The following MPZL1 variants were observed in gnomAD, a reference collection of about 807,000 sequenced individuals.
The protein encoded by MPZL1 is myelin protein zero-like protein 1.
MPZL1 carries 16 observed loss-of-function variants against 29.3 expected under a neutral mutation model. That is an observed-to-expected ratio of 0.55 (90% CI 0.37 to 0.83). MPZL1 has a LOEUF of 0.83. MPZL1 is among the 40% of genes least tolerant of loss of function. The probability of loss-of-function intolerance (pLI) is 0.00; values close to 1 mark genes in which losing one functional copy is unlikely to be tolerated. For synonymous variants in MPZL1, 143 were observed against 132.0 expected (o/e 1.08, Z -0.57); for missense variants, 279 against 332.9 (o/e 0.84, Z 1.26).
chr1:167,722,205 C>T lies in MPZL1; in HGVS notation c.54C>T (p.Arg18=). 2 of 1,239,168 alleles carry T rather than the reference C, an allele frequency of 1.6e-6. No individual in the cohort carries two copies. Among genetic ancestry groups the T allele is most frequent in the Non-Finnish European group, 2.0e-6 (2 of 987,916 alleles). 76.8% of individuals were successfully genotyped at this position (1,239,168 alleles called of 1,614,324 possible). A position where few individuals can be genotyped will look rare whatever the true frequency, so the allele number is the denominator to read the frequency against. ...TGATTGCAGCCCCAGACAGCCGGCG[C>T]TGGCTGTGGTCGGTGCTGGCGGCGG... ...GAVIAAPDSR[R]WLWSVLAAAL... Residue 18 remains arginine (R), a synonymous_variant, in exon 1 of 6, where the codon CGC becomes CGT. Transcript: ENST00000359523.
At position 167,788,062 on chromosome 1, in the gene MPZL1, G is replaced by T. The variant is rs1661625964; in HGVS notation, c.*141G>T. 7.9e-6 allele frequency: 5 copies of T among 633,146 alleles called. No homozygotes were observed. In the South Asian group the frequency reaches 9.9e-5, roughly 12 times the overall value. 39.2% of individuals were successfully genotyped at this position (633,146 alleles called of 1,614,324 possible). ...TGTACTCACAGAGGGAGAGAAAGATGTGTACAAAGGATATGTATAAATATT... is the reference window on the plus strand; with the variant it reads ...TGTACTCACAGAGGGAGAGAAAGATTTGTACAAAGGATATGTATAAATATT... On this transcript the variant is annotated 3_prime_UTR_variant, in exon 6 of 6. Transcript: ENST00000359523.
In MPZL1 at chr1:167,751,468, G is replaced by C. The variant is rs570055417; in HGVS notation, c.92-14115G>C. On this transcript the variant is annotated intron_variant, in intron 1 of 5. Transcript: ENST00000359523. ...GCGGATCACTTGAGGTCAGGAGTTC[G>C]AGACCATCCTGGCCAACATGGTGAA... 9.1e-3 allele frequency among the ~76,000 whole-genome samples: 1,392 copies of C among 152,138 alleles called. 8 individuals are homozygous for C. Among genetic ancestry groups the C allele is most frequent in the Non-Finnish European group, 0.012 (834 of 68,000 alleles).
At chr1:167,773,183 T>TG (rs1661287546) in intron 3 of MPZL1, 53 bp from the exon 4 acceptor site, 2 of 1,541,608 alleles carry the variant, frequency 1.3e-6, no homozygotes, top group East Asian at 4.5e-5. Context: ...TAAAATTCCA[T>TG]GTTTTCTCTC....
chr1:167,755,108 A>T (rs903839774), intron 1 of MPZL1, among the ~76,000 whole-genome samples: 5 of 152,224 alleles, frequency 3.3e-5, no homozygotes, highest in Non-Finnish European at 7.3e-5. Flanking sequence ...ACAATGACAT[A>T]TATCTATTAT....
chr1:167,762,590 G>T (rs1661012052), intron 1 of MPZL1, among the ~76,000 whole-genome samples: 2 of 152,200 alleles, frequency 1.3e-5, no homozygotes, highest in Admixed American at 6.5e-5. Context: ...CTCGGTGCTT[G>T]GCCCAAGGTG....
At chr1:167,780,645 A>G (rs1007667630) in intron 5 of MPZL1, among the ~76,000 whole-genome samples, 4 of 152,196 alleles carry the variant, frequency 2.6e-5, no homozygotes, top group African/African-American at 9.6e-5. Flanking sequence ...CCAGCCACAG[A>G]AAGACATACT....
At chr1:167,776,883 C>T (rs1404859132) in intron 5 of MPZL1, among the ~76,000 whole-genome samples, 2 of 152,120 alleles carry the variant, frequency 1.3e-5, no homozygotes, top group African/African-American at 4.8e-5. Context: ...AAGGTGTTAG[C>T]TGGTGGGAAT....
intron 3 of MPZL1, 109 bp from the exon 4 acceptor site, chr1:167,773,127 G>A: frequency 8.9e-7 from 1 of 1,129,074 alleles, no homozygotes; most frequent in Non-Finnish European, 1.3e-6. Context: ...GATAATAAAA[G>A]AGGGTACGGT....
At chr1:167,741,845 C>T (rs1482720960) in intron 1 of MPZL1, among the ~76,000 whole-genome samples, 10 of 151,976 alleles carry the variant, frequency 6.6e-5, no homozygotes, top group African/African-American at 9.7e-5. Context: ...CCGGCCTGGG[C>T]AACATGGTGA....
intron 1 of MPZL1, among the ~76,000 whole-genome samples, chr1:167,757,660 A>G (rs1571153879): frequency 6.6e-6 from 1 of 152,202 alleles, no homozygotes; most frequent in African/African-American, 2.4e-5. Context: ...GCTTATTAGG[A>G]GATATTACAG....
At chr1:167,752,506 C>T (rs1332722540) in intron 1 of MPZL1, among the ~76,000 whole-genome samples, 1 of 152,212 alleles carries the variant, frequency 6.6e-6, no homozygotes, top group East Asian at 1.9e-4. Context: ...TAATGAGACT[C>T]ATCCCACTCA....
chr1:167,764,186 T>G (rs1408598675), intron 1 of MPZL1, among the ~76,000 whole-genome samples: 2 of 150,440 alleles, frequency 1.3e-5, no homozygotes, highest in African/African-American at 4.9e-5. Flanking sequence ...GCCAAATAAG[T>G]TTTTTTTTTC....
rs748059813 is a variant in MPZL1, at chr1:167,772,378, A to T, written c.362A>T (p.Asn121Ile). 1 of 1,613,994 alleles carries T rather than the reference A, an allele frequency of 6.2e-7. No homozygotes were observed. The highest frequency in any genetic ancestry group is 2.2e-5 in the East Asian group (1 of 44,878). ...CTTGACAAGAAAGATGCATCAATCA[A>T]CATAGAAAATATGCAGTTTATACAC... ...GDLDKKDASINIENMQFIHNG... is the reference protein window; with the variant it reads ...GDLDKKDASIIIENMQFIHNG... The change falls in exon 3 of 6, where the codon AAC becomes ATC. Residue 121 changes from asparagine (N) to isoleucine (I), a missense_variant. By Grantham distance (149) the Asn-to-Ile change is moderately radical (BLOSUM62 -3). Coordinates refer to ENST00000359523, the MANE Select transcript of MPZL1 (RefSeq NM_003953.6).
intron 1 of MPZL1, among the ~76,000 whole-genome samples, chr1:167,756,659 G>A (rs966366855): frequency 1.3e-5 from 2 of 152,064 alleles, no homozygotes; most frequent in Non-Finnish European, 2.9e-5. Flanking sequence ...TTATGGCTGA[G>A]CTTATCTGAA....
At chr1:167,784,250 GAA>G (rs1393755897) in intron 5 of MPZL1, among the ~76,000 whole-genome samples, 1 of 152,090 alleles carries the variant, frequency 6.6e-6, no homozygotes, top group East Asian at 1.9e-4. Flanking sequence ...TGTGTTTCTT[GAA>G]ACATTTTCAA....
intron 1 of MPZL1, among the ~76,000 whole-genome samples, chr1:167,726,539 G>T (rs950988885): frequency 6.6e-6 from 1 of 152,154 alleles, no homozygotes; most frequent in Non-Finnish European, 1.5e-5. Flanking sequence ...GCAATATGTA[G>T]TTATGATTTA....
chr1:167,758,086 G>A (rs1660906791), intron 1 of MPZL1, among the ~76,000 whole-genome samples: 1 of 151,934 alleles, frequency 6.6e-6, no homozygotes, highest in East Asian at 1.9e-4. Flanking sequence ...CCCAGAAGGT[G>A]GAGGTTGCAG....
At chr1:167,774,283 T>C (rs1320423805) in intron 4 of MPZL1, among the ~76,000 whole-genome samples, 1 of 152,156 alleles carries the variant, frequency 6.6e-6, no homozygotes, top group African/African-American at 2.4e-5. Flanking sequence ...TGGATTCAAG[T>C]TGATATAGCA....
chr1:167,758,677 G>A (rs1660920596), intron 1 of MPZL1, among the ~76,000 whole-genome samples: 1 of 152,022 alleles, frequency 6.6e-6, no homozygotes, highest in Admixed American at 6.5e-5. Context: ...TGACTTTGCG[G>A]GCTTTTTTCA....
Sources: allele counts gnomAD v4.1 joint callset (sites outside exome capture counted in the v4.1 genomes callset), GRCh38; gene constraint gnomAD v4.1.1; transcripts MANE v1.5; gene names NCBI Gene and HGNC (gene_info 2026-07-23, HGNC 2026-07-21).